The following TSC22D1 variants were observed in gnomAD, a reference collection of about 807,000 sequenced individuals.
TSC22D1 encodes TSC22 domain family protein 1.
A neutral mutation model predicts 74.2 loss-of-function variants in TSC22D1; 9 were observed. That is an observed-to-expected ratio of 0.12 (90% CI 0.07 to 0.21). TSC22D1 has a LOEUF of 0.21. Among genes scored for constraint, TSC22D1 ranks in the 10% least tolerant of loss-of-function variants. TSC22D1 has a pLI of 1.00. For missense variants in TSC22D1, 1,427 were observed against 1,304.7 expected, an observed-to-expected ratio of 1.09 and a Z score of -1.44; for synonymous variants, 586 against 492.5, an observed-to-expected ratio of 1.19 and a Z score of -2.51.
chr13:44,546,181 T>C (rs1744905258), intron 1 of TSC22D1, among the ~76,000 whole-genome samples: 1 of 152,178 alleles, frequency 6.6e-6, no homozygotes, highest in African/African-American at 2.4e-5. Context: ...TAAAAGATTC[T>C]GATCAAGCAA....
intron 1 of TSC22D1, chr13:44,539,753 T>C (rs567245066): frequency 7.1e-6 from 9 of 1,261,706 alleles, no homozygotes; most frequent in African/African-American, 1.5e-5. Flanking sequence ...AAGTAAATAA[T>C]GGAAAGCACC....
At chr13:44,564,587 T>C (rs776579203) in intron 1 of TSC22D1, among the ~76,000 whole-genome samples, 17 of 152,084 alleles carry the variant, frequency 1.1e-4, no homozygotes, top group Non-Finnish European at 2.2e-4. Context: ...CAAGTACAAC[T>C]GGAATGAAGA....
chr13:44,449,626 T>C (rs535735740), intron 1 of TSC22D1, among the ~76,000 whole-genome samples: 1 of 152,282 alleles, frequency 6.6e-6, no homozygotes, highest in South Asian at 2.1e-4. Flanking sequence ...CTTAGTGTGA[T>C]TCTGACATTG....
rs1463523613 is a variant in TSC22D1, at chr13:44,574,621, C to T, written c.1454G>A (p.Gly485Glu). The change falls in exon 1 of 3, where the codon GGA becomes GAA. Residue 485 changes from glycine to glutamate, a missense_variant. Physicochemically the swap from Gly to Glu is moderately conservative, Grantham distance 98 (BLOSUM62 -2). Coordinates refer to ENST00000458659, the MANE Select transcript of TSC22D1 (RefSeq NM_183422.4). ...STLSHYTESV[G>E]SGEMGAPTVV... ...AGTAGGGGCTCCCATCTCTCCACTT[C>T]CCACACTCTCTGTATAGTGACTCAG... 6.2e-7 allele frequency: 1 copy of T among 1,614,082 alleles called. No homozygotes were observed. Among genetic ancestry groups the T allele is most frequent in the African/African-American group, 1.3e-5 (1 of 75,038 alleles).
At chr13:44,572,999 ACCATT>A (rs1333934109) in intron 1 of TSC22D1, among the ~76,000 whole-genome samples, 159 bp downstream of exon 1, 1 of 152,158 alleles carries the variant, frequency 6.6e-6, no homozygotes, top group African/African-American at 2.4e-5. Context: ...TCCCTCTGAA[ACCATT>A]CCATAACTCT....
chr13:44,449,223 T>C (rs1027565763), intron 1 of TSC22D1, among the ~76,000 whole-genome samples: 1 of 152,080 alleles, frequency 6.6e-6, no homozygotes, highest in Non-Finnish European at 1.5e-5. Flanking sequence ...GCCAGTGAGG[T>C]CTACAGTTTG....
At chr13:44,527,012 G>A (rs1343019356) in intron 1 of TSC22D1, among the ~76,000 whole-genome samples, 2 of 152,052 alleles carry the variant, frequency 1.3e-5, no homozygotes, top group Admixed American at 1.3e-4. Flanking sequence ...ATTTCTTCAG[G>A]AACCATGCAA....
intron 1 of TSC22D1, among the ~76,000 whole-genome samples, chr13:44,487,917 G>A (rs1878519977): frequency 6.6e-6 from 1 of 152,046 alleles, no homozygotes; most frequent in Non-Finnish European, 1.5e-5. Context: ...AATTAGCTGG[G>A]CGTGGTGGTG....
chr13:44,552,760 AG>A (rs1202775328), intron 1 of TSC22D1, among the ~76,000 whole-genome samples: 1 of 152,188 alleles, frequency 6.6e-6, no homozygotes, highest in Non-Finnish European at 1.5e-5. Context: ...AGGCCGAGGC[AG>A]GCGGATCACA....
chr13:44,438,507 A>AG (rs1227619923), intron 1 of TSC22D1, among the ~76,000 whole-genome samples: 2 of 152,214 alleles, frequency 1.3e-5, no homozygotes, highest in East Asian at 3.8e-4. Flanking sequence ...TAAGCACAGT[A>AG]AATGATGAAG....
rs545895026 is a variant in TSC22D1 at position 44,433,822 on chromosome 13, G to A, written c.*804C>T. The A allele has an allele frequency of 2.6e-4, 155 of 606,656 alleles. 1 individual carries two copies. Among genetic ancestry groups the A allele is most frequent in the South Asian group, 1.7e-4 (6 of 36,226 alleles). 37.6% of individuals were successfully genotyped at this position (606,656 alleles called of 1,614,324 possible). A position where few individuals can be genotyped will look rare whatever the true frequency, so the allele number is the denominator to read the frequency against. On this transcript the variant is annotated 3_prime_UTR_variant, in exon 3 of 3. Transcript: ENST00000458659. ...TGCCAAATTCTTAAAATTTCTTTAG[G>A]TGTGGTTTTTGTCATGTAGCAGTTT... is the stretch of plus-strand genomic sequence containing the variant.
rs1410758721 is a variant in TSC22D1 at position 44,574,432 on chromosome 13, T to C, written c.1643A>G (p.Gln548Arg). Residue 548 changes from glutamine to arginine, a missense_variant, in exon 1 of 3, where the codon CAA (glutamine) becomes CGA (arginine). Coordinates refer to ENST00000458659, the MANE Select transcript of TSC22D1 (RefSeq NM_183422.4). ...SISQSQISQV[Q>R]LQSQELSYQQ... ...ATAGCTCAGTTCTTGAGACTGTAAT[T>C]GTACTTGTGAGATCTGTGACTGAGA... The C allele has an allele frequency of 1.2e-6, 2 of 1,614,132 alleles. No homozygotes were observed. The highest frequency in any genetic ancestry group is 2.2e-5 in the East Asian group (1 of 44,904).
intron 1 of TSC22D1, among the ~76,000 whole-genome samples, chr13:44,456,764 T>A (rs1876682208): frequency 6.6e-6 from 1 of 152,122 alleles, no homozygotes; most frequent in Admixed American, 6.5e-5. Context: ...AAAATTGATA[T>A]GAGAGCATAA....
At chr13:44,452,219 G>A (rs1225393450) in intron 1 of TSC22D1, among the ~76,000 whole-genome samples, 1 of 152,196 alleles carries the variant, frequency 6.6e-6, no homozygotes, top group Non-Finnish European at 1.5e-5. Context: ...AAAGTGAGAT[G>A]TTGTAAGGCA....
At chr13:44,524,236 A>C (rs1404807847) in intron 1 of TSC22D1, among the ~76,000 whole-genome samples, 1 of 151,996 alleles carries the variant, frequency 6.6e-6, no homozygotes, top group Non-Finnish European at 1.5e-5. Flanking sequence ...TCCAGTTTTG[A>C]GTTCAACTAG....
chr13:44,443,137 A>G (rs1875346876), intron 1 of TSC22D1, among the ~76,000 whole-genome samples: 1 of 152,024 alleles, frequency 6.6e-6, no homozygotes, highest in Non-Finnish European at 1.5e-5. Context: ...AAACAAGAGA[A>G]TTGTGAAGAA....
intron 1 of TSC22D1, among the ~76,000 whole-genome samples, chr13:44,540,938 C>G (rs1449731158): frequency 1.3e-5 from 2 of 152,116 alleles, no homozygotes; most frequent in Non-Finnish European, 2.9e-5. Flanking sequence ...AGATCTTATT[C>G]TAAATATAAA....
intron 1 of TSC22D1, among the ~76,000 whole-genome samples, chr13:44,503,315 T>C (rs1285582604): frequency 6.6e-6 from 1 of 150,928 alleles, no homozygotes; most frequent in African/African-American, 2.4e-5. Flanking sequence ...CACACAGATA[T>C]CCTAAAGTAC....
intron 1 of TSC22D1, among the ~76,000 whole-genome samples, chr13:44,480,363 T>G (rs962241502): frequency 2.6e-5 from 4 of 152,060 alleles, no homozygotes; most frequent in African/African-American, 9.7e-5. Flanking sequence ...GATAAATTCA[T>G]TTTTACATAT....
Sources: gnomAD v4.1 joint callset for allele counts (sites outside exome capture counted in the v4.1 genomes callset) on GRCh38, gnomAD v4.1.1 for gene constraint, MANE v1.5 for transcripts, NCBI Gene and HGNC (gene_info 2026-07-23, HGNC 2026-07-21) for gene names.